Variants in PARVA observed in about 807,000 individuals in gnomAD.
PARVA encodes the protein alpha-parvin.
Under a neutral mutation model 52.6 loss-of-function variants are expected in PARVA, and 25 were observed. That is an observed-to-expected ratio of 0.48 (90% CI 0.35 to 0.66). PARVA has a LOEUF of 0.66. Among genes scored for constraint, PARVA ranks in the 30% least tolerant of loss-of-function variants. PARVA has a pLI of 0.01. For synonymous variants in PARVA, 185 were observed against 179.1 expected (o/e 1.03, Z -0.26); for missense variants, 373 against 450.9 (o/e 0.83, Z 1.56).
intron 1 of PARVA, among the ~76,000 whole-genome samples, chr11:12,385,794 A>G (rs1446618647): frequency 1.3e-5 from 2 of 152,150 alleles, no homozygotes; most frequent in African/African-American, 2.4e-5. Context: ...CTTCTCAGCT[A>G]TTGAAGGAAG....
intron 8 of PARVA, 47 bp from the exon 9 acceptor site, chr11:12,513,250 TGC>T: frequency 6.3e-7 from 1 of 1,579,430 alleles, no homozygotes; most frequent in Non-Finnish European, 8.7e-7. Flanking sequence ...TGGGCTTCCC[TGC>T]CAGGGATCAG....
At chr11:12,474,710 G>C (rs1160307256) in intron 3 of PARVA, among the ~76,000 whole-genome samples, 1 of 150,946 alleles carries the variant, frequency 6.6e-6, no homozygotes, top group Non-Finnish European at 1.5e-5. Context: ...ATCACTTGAA[G>C]CCTGGGCAAC....
chr11:12,430,499 C>A (rs940058316), intron 1 of PARVA, among the ~76,000 whole-genome samples: 3 of 152,156 alleles, frequency 2.0e-5, no homozygotes, highest in Admixed American at 6.5e-5. Context: ...CCTGGACACA[C>A]AGGTCTTTGT....
intron 1 of PARVA, among the ~76,000 whole-genome samples, chr11:12,403,800 C>T (rs1939863217): frequency 6.6e-6 from 1 of 152,204 alleles, no homozygotes; most frequent in African/African-American, 2.4e-5. Context: ...GTTCTGTCAG[C>T]CAGCTGGTTT....
chr11:12,393,044 GAAAAAAAAAAAAA>G (rs60966710), intron 1 of PARVA, among the ~76,000 whole-genome samples: 4 of 46,132 alleles, frequency 8.7e-5, no homozygotes, highest in African/African-American at 1.2e-4. Context: ...CCCAAATTGT[GAAAAAAAAAAAAA>G]AAAAAAAAAA....
At chr11:12,399,989 T>C (rs913099651) in intron 1 of PARVA, among the ~76,000 whole-genome samples, 1 of 152,178 alleles carries the variant, frequency 6.6e-6, no homozygotes, top group Non-Finnish European at 1.5e-5. Flanking sequence ...TGAAGGCTTT[T>C]AAATTTCTTG....
At chr11:12,377,295 G>A, upstream of PARVA, 1 of 628,470 alleles carries the variant, frequency 1.6e-6, no homozygotes, top group Middle Eastern at 4.7e-4. Context: ...AGGCTGTGTG[G>A]TGGGGACAGA....
intron 1 of PARVA, among the ~76,000 whole-genome samples, chr11:12,425,718 C>T (rs550512595): frequency 2.0e-5 from 3 of 152,170 alleles, no homozygotes; most frequent in Non-Finnish European, 2.9e-5. Flanking sequence ...AGGGATGGGG[C>T]GGAGGGAGAT....
intron 10 of PARVA, 91 bp downstream of exon 10, chr11:12,514,156 TC>T: frequency 5.2e-6 from 5 of 966,656 alleles, no homozygotes; most frequent in Non-Finnish European, 8.3e-6. Flanking sequence ...AGGAGGGCTT[TC>T]CCAGCTGAGG....
At chr11:12,505,612 G>A (rs576592538) in intron 6 of PARVA, among the ~76,000 whole-genome samples, 123 of 152,350 alleles carry the variant, frequency 8.1e-4, no homozygotes, top group Non-Finnish European at 1.5e-3. Context: ...AAATGGGAAT[G>A]TGTGTGGCTC....
intron 1 of PARVA, among the ~76,000 whole-genome samples, chr11:12,453,979 G>A (rs556447759): frequency 1.7e-4 from 26 of 152,222 alleles, no homozygotes; most frequent in African/African-American, 5.3e-4. Context: ...CCTTCCTAAC[G>A]GATGAATGTA....
chr11:12,491,165 A>AGTTTT (rs1417613188), intron 4 of PARVA, among the ~76,000 whole-genome samples: 1 of 152,110 alleles, frequency 6.6e-6, no homozygotes. Flanking sequence ...TACAAGAGAT[A>AGTTTT]GTTTTGTTTT....
At chr11:12,496,436 T>C (rs1044441479) in intron 4 of PARVA, 22 bp from the exon 5 acceptor site, 2 of 1,600,870 alleles carry the variant, frequency 1.2e-6, no homozygotes, top group African/African-American at 2.7e-5. Flanking sequence ...ACAGCTGTTC[T>C]CTTTTCCCTT....
intron 1 of PARVA, among the ~76,000 whole-genome samples, chr11:12,419,665 A>G (rs979226894): frequency 6.6e-6 from 1 of 152,110 alleles, no homozygotes; most frequent in African/African-American, 2.4e-5. Context: ...AGGTAATTCT[A>G]TGTTTAATTT....
At chr11:12,417,793 C>T (rs932413733) in intron 1 of PARVA, among the ~76,000 whole-genome samples, 9 of 152,264 alleles carry the variant, frequency 5.9e-5, no homozygotes, top group East Asian at 3.9e-4. Context: ...TCCTCAGGGC[C>T]CCCCGGGTGC....
chr11:12,470,946 C>T (rs1940924948), intron 1 of PARVA, among the ~76,000 whole-genome samples: 1 of 152,142 alleles, frequency 6.6e-6, no homozygotes, highest in Admixed American at 6.5e-5. Flanking sequence ...ATAACGGTGG[C>T]TCAAGTCAGG....
In PARVA at chr11:12,530,358, A is replaced by T. The variant is rs1316337821; in HGVS notation, c.*2433A>T. The T allele has an allele frequency of 3.3e-5, 5 of 152,206 alleles. No individual in the cohort carries two copies. Among genetic ancestry groups the T allele is most frequent in the Non-Finnish European group, 7.3e-5 (5 of 68,042 alleles). The allele number at this position is 152,206 out of a possible 1,614,324, so 9.4% of individuals were successfully genotyped here. A position where few individuals can be genotyped will look rare whatever the true frequency, so the allele number is the denominator to read the frequency against. Reference sequence around the variant, plus strand: ...GAAAGGCAAAAGAGGAATCAAGAATAAATAAAACAAACTTAATCTTCATCT... The same window carrying T: ...GAAAGGCAAAAGAGGAATCAAGAATTAATAAAACAAACTTAATCTTCATCT... On this transcript the variant is annotated 3_prime_UTR_variant, in exon 13 of 13. Coordinates refer to ENST00000334956, the MANE Select transcript of PARVA (RefSeq NM_018222.5).
intron 12 of PARVA, among the ~76,000 whole-genome samples, chr11:12,522,421 C>CTTTTTTT (rs66494894): frequency 8.2e-5 from 11 of 134,624 alleles, no homozygotes; most frequent in South Asian, 7.0e-4. Flanking sequence ...GAGCTTTATT[C>CTTTTTTT]TTTTTTTTTT....
intron 5 of PARVA, among the ~76,000 whole-genome samples, chr11:12,499,678 G>T (rs1166428179): frequency 6.6e-6 from 1 of 152,024 alleles, no homozygotes; most frequent in East Asian, 1.9e-4. Flanking sequence ...AAACTATGAA[G>T]GTAAACTTCA....
Sources: allele counts gnomAD v4.1 joint callset (sites outside exome capture counted in the v4.1 genomes callset), GRCh38; gene constraint gnomAD v4.1.1; transcripts MANE v1.5; gene names NCBI Gene and HGNC (gene_info 2026-07-23, HGNC 2026-07-21).